The following TOPORS variants were observed in gnomAD, a reference collection of about 807,000 sequenced individuals.
TOPORS encodes TOP1 binding arginine/serine rich protein, E3 ubiquitin ligase, also known as E3 ubiquitin-protein ligase Topors.
In TOPORS, 25 loss-of-function variants were observed where a neutral mutation model predicts 81.4. The ratio of observed to expected loss-of-function variants is 0.31; its 90% confidence interval spans 0.22 to 0.43. TOPORS has a LOEUF of 0.43. Among genes scored for constraint, TOPORS ranks in the 20% least tolerant of loss-of-function variants. TOPORS has a pLI of 1.00. For synonymous variants in TOPORS, 473 were observed against 456.6 expected, an observed-to-expected ratio of 1.04 and a Z score of -0.46; for missense variants, 1,101 against 1,267.0, an observed-to-expected ratio of 0.87 and a Z score of 1.99.
chr9:32,550,808 C>T lies in TOPORS; in HGVS notation c.164G>A (p.Ser55Asn). 1 of 1,612,572 alleles carries T rather than the reference C, an allele frequency of 6.2e-7. No homozygotes were observed. Among genetic ancestry groups the T allele is most frequent in the Non-Finnish European group, 8.5e-7 (1 of 1,179,678 alleles). ...TGCCGGCGCAGGCCTGGCTGGGGCG[C>T]TCGCCGCGAGCTCCCGGCAGCCCAG... The part of the protein sequence containing the change: ...SFLGCRELAA[S>N]APARPAPASS... The change falls in exon 2 of 3, where the codon AGC becomes AAC. Residue 55 changes from serine to asparagine, a missense_variant. Around this residue, in one of 9 missense-constraint regions of TOPORS, gnomAD observed 131 missense variants for 101.0 expected, o/e 1.30. Transcript: ENST00000360538.
At chr9:32,545,089 A>G (rs577460824) in intron 2 of TOPORS, among the ~76,000 whole-genome samples, 2 of 152,378 alleles carry the variant, frequency 1.3e-5, no homozygotes, top group African/African-American at 2.4e-5. Flanking sequence ...GGAAACTTTT[A>G]GTGAAGATTA....
At position 32,551,048 on chromosome 9, in the gene TOPORS, T is replaced by C. The variant is rs368138905; in HGVS notation, c.4-80A>G. 9.3e-5 allele frequency: 141 copies of C among 1,510,314 alleles called. No individual in the cohort carries two copies. The African/African-American group carries it at 1.8e-3, about 19-fold the overall frequency. 93.6% of individuals were successfully genotyped at this position (1,510,314 alleles called of 1,614,324 possible). A position where few individuals can be genotyped will look rare whatever the true frequency, so the allele number is the denominator to read the frequency against. On this transcript the variant is annotated intron_variant, in intron 1 of 2. Transcript: ENST00000360538. ...AGACCCACCCCCCAGCTCCCGCGCA[T>C]CAAAACACAACACCCGCCTTCCTCA...
rs549036223 is a variant in TOPORS at position 32,547,577 on chromosome 9, A to G, written c.198+3197T>C. Among the ~76,000 whole-genome samples the G allele has an allele frequency of 2.6e-5, 4 of 152,336 alleles. No homozygotes were observed. The South Asian group carries it at 8.3e-4, about 32-fold the overall frequency. ...CATGGATGAAACTTTTTATTATGCTAAATGAATGAAAAAAAAAATTCACAA... is the reference window on the plus strand; with the variant it reads ...CATGGATGAAACTTTTTATTATGCTGAATGAATGAAAAAAAAAATTCACAA... On this transcript the variant is annotated intron_variant, in intron 2 of 2. Transcript: ENST00000360538.
Position 32,542,762 on chromosome 9 carries a change from T to A in TOPORS, c.1763A>T (p.Asn588Ile), listed in dbSNP as rs1821087228. Reference protein sequence around the residue: ...VRGDRVYSPYNHRHRKRGRSR... With the variant: ...VRGDRVYSPYIHRHRKRGRSR... Reference sequence around the variant, plus strand: ...TCTTCCCCTCTTTCTGTGTCTATGGTTATATGGAGAATATACTCTGTCTCC... The same window carrying A: ...TCTTCCCCTCTTTCTGTGTCTATGGATATATGGAGAATATACTCTGTCTCC... The change falls in exon 3 of 3, where the codon AAC becomes ATC. Residue 588 changes from asparagine (N) to isoleucine (I), a missense_variant. Physicochemically the swap from Asn to Ile is moderately radical, Grantham distance 149. Coordinates refer to ENST00000360538, the MANE Select transcript of TOPORS (RefSeq NM_005802.5). The A allele has an allele frequency of 6.2e-7, 1 of 1,613,932 alleles. No homozygotes were observed. The highest frequency in any genetic ancestry group is 1.3e-5 in the African/African-American group (1 of 74,924).
Position 32,543,841 on chromosome 9 carries a change from A to T in TOPORS, c.684T>A (p.Pro228=). 4 of 1,614,144 alleles carry T rather than the reference A, an allele frequency of 2.5e-6. No individual in the cohort carries two copies. The highest frequency in any genetic ancestry group is 3.4e-6 in the Non-Finnish European group (4 of 1,180,014). ...TTACTGCAATCTGTCTCATAAACTGAGGAATTTCAACATCTCTAGGTCTTG... is the reference window on the plus strand; with the variant it reads ...TTACTGCAATCTGTCTCATAAACTGTGGAATTTCAACATCTCTAGGTCTTG... ...ISTRPRDVEI[P]QFMRQIAVRR... The change falls in exon 3 of 3, where the codon CCT becomes CCA. Residue 228 remains proline, a synonymous_variant. Transcript: ENST00000360538. The surrounding 1 kb of genome is among the most constrained non-coding windows in gnomAD (Gnocchi z 5.6).
chr9:32,551,743 C>T (rs571711029), intron 1 of TOPORS: 37 of 431,804 alleles, frequency 8.6e-5, no homozygotes, highest in Non-Finnish European at 1.4e-4. Flanking sequence ...ATCTCACGCG[C>T]GGCAGTTCAA....
rs2118988028 is a variant in TOPORS, at chr9:32,552,434, CATGA to C, written c.-2_2del. The C allele has an allele frequency of 6.2e-7, 1 of 1,609,104 alleles. No individual in the cohort carries two copies. Among genetic ancestry groups the C allele is most frequent in the Non-Finnish European group, 8.5e-7 (1 of 1,178,184 alleles). On this transcript the variant is annotated start_lost and splice_region_variant and 5_prime_UTR_variant, in exon 1 of 3. Coordinates refer to ENST00000360538, the MANE Select transcript of TOPORS (RefSeq NM_005802.5). ...CCGCGGACTGCTGCCGCCTCCTTAC[CATGA>C]AGCCAGTAAGTCGTCGCACGCTGGA...
intron 1 of TOPORS, 172 bp downstream of exon 1, chr9:32,552,262 C>T: frequency 1.2e-6 from 1 of 858,582 alleles, no homozygotes; most frequent in Non-Finnish European, 1.9e-6. Flanking sequence ...CACGTGATAC[C>T]GCCCCCCAAC....
rs962519913 is a variant in TOPORS, at chr9:32,550,854, A to C, written c.118T>G (p.Cys40Gly). The C allele has an allele frequency of 1.7e-5, 27 of 1,612,918 alleles. No homozygotes were observed. The highest frequency in any genetic ancestry group is 2.3e-5 in the Non-Finnish European group (27 of 1,179,812). The part of the protein sequence containing the change: ...RSRRVRLRGS[C>G]RHRPSFLGCR... ...CCCAGAAAGCTAGGTCGGTGTCGGC[A>C]GGATCCGCGAAGGCGTACCCGGCGA... The change falls in exon 2 of 3, where the codon TGC becomes GGC. Residue 40 changes from cysteine to glycine, a missense_variant. By Grantham distance (159) the Cys-to-Gly change is radical. Coordinates refer to ENST00000360538, the MANE Select transcript of TOPORS (RefSeq NM_005802.5).
chr9:32,551,786 C>T (rs999658804), intron 1 of TOPORS: 1 of 453,310 alleles, frequency 2.2e-6, no homozygotes, highest in South Asian at 1.6e-5. Flanking sequence ...ACACTTGTTG[C>T]TTGACTGATA....
chr9:32,550,752 C>T (rs758675889), intron 2 of TOPORS, 22 bp downstream of exon 2: 8 of 1,612,532 alleles, frequency 5.0e-6, no homozygotes, highest in Middle Eastern at 1.7e-4. Flanking sequence ...CCCCGCGTCC[C>T]ATTGTTCCGA....
chr9:32,552,359 G>A (rs757828056), intron 1 of TOPORS, 75 bp downstream of exon 1: 35 of 1,578,908 alleles, frequency 2.2e-5, no homozygotes, highest in African/African-American at 4.0e-5. Flanking sequence ...CTGGCGCCTG[G>A]CAGCCACCGC....
chr9:32,542,739 T>C lies in TOPORS; in HGVS notation c.1786A>G (p.Arg596Gly). ...PYNHRHRKRG[R>G]SRSSDSRSQS... ...GAACGTGAATCTGAACTTCTTGATC[T>C]TCCCCTCTTTCTGTGTCTATGGTTA... Residue 596 changes from arginine to glycine, a missense_variant, in exon 3 of 3, where the codon AGA (arginine) becomes GGA (glycine). Physicochemically the swap from Arg to Gly is moderately radical, Grantham distance 125 (BLOSUM62 -2). Around this residue, in one of 9 missense-constraint regions of TOPORS, gnomAD observed 605 missense variants for 636.1 expected, o/e 0.95. Coordinates refer to ENST00000360538, the MANE Select transcript of TOPORS (RefSeq NM_005802.5). 6.2e-7 allele frequency: 1 copy of C among 1,614,100 alleles called. No homozygotes were observed. The highest frequency in any genetic ancestry group is 8.5e-7 in the Non-Finnish European group (1 of 1,180,024).
Position 32,542,428 on chromosome 9 carries a change from T to C in TOPORS, c.2097A>G (p.Arg699=), listed in dbSNP as rs1454326785. ...RYYLRNNYGS[R]YKWEYTYYSR... ...TGTAATAAGTATACTCCCATTTGTA[T>C]CTGCTTCCATAATTATTTCTTAAAT... The change falls in exon 3 of 3, where the codon AGA becomes AGG. Residue 699 remains arginine, a synonymous_variant. Transcript: ENST00000360538. 2 of 1,613,658 alleles carry C rather than the reference T, an allele frequency of 1.2e-6. No individual in the cohort carries two copies. The highest frequency in any genetic ancestry group is 2.7e-5 in the African/African-American group (2 of 74,926).
chr9:32,549,084 C>G (rs1239900896), intron 2 of TOPORS, among the ~76,000 whole-genome samples: 1 of 151,770 alleles, frequency 6.6e-6, no homozygotes, highest in Admixed American at 6.6e-5. Context: ...CCGAGGTGAG[C>G]GGATCACAAG....
In TOPORS at chr9:32,543,984, G is replaced by A. The variant is rs183677260; in HGVS notation, c.541C>T (p.Arg181Cys). 8 of 1,614,100 alleles carry A rather than the reference G, an allele frequency of 5.0e-6. No individual in the cohort carries two copies. In the African/African-American group the frequency reaches 6.7e-5, roughly 13 times the overall value. The change falls in exon 3 of 3, where the codon CGT (arginine) becomes TGT (cysteine). Residue 181 changes from arginine to cysteine, a missense_variant. Transcript: ENST00000360538. This position sits in a 1 kb window ranked among gnomAD's most constrained non-coding sequence, Gnocchi z 5.6. ...TTTCGTTCCCTTGTCAGAGTTGTAC[G>A]GTAGCGAAATCGTCGATCAGGGGTG... The part of the protein sequence containing the change: ...FVTPDRRFRY[R>C]TTLTRERNAS...
chr9:32,542,425 G>A lies in TOPORS; in HGVS notation c.2100C>T (p.Tyr700=). The change falls in exon 3 of 3, where the codon TAC becomes TAT. Residue 700 remains tyrosine, a synonymous_variant. Coordinates refer to ENST00000360538, the MANE Select transcript of TOPORS (RefSeq NM_005802.5). The part of the protein sequence containing the change: ...YYLRNNYGSR[Y]KWEYTYYSRN... ...TACTGTAATAAGTATACTCCCATTT[G>A]TATCTGCTTCCATAATTATTTCTTA... is the stretch of plus-strand genomic sequence containing the variant. 6.2e-7 allele frequency: 1 copy of A among 1,613,634 alleles called. No individual in the cohort carries two copies. The highest frequency in any genetic ancestry group is 1.6e-4 in the Middle Eastern group (1 of 6,062).
In TOPORS at chr9:32,541,042, A is replaced by T; in HGVS notation, c.*345T>A. 1 of 177,896 alleles carries T rather than the reference A, an allele frequency of 5.6e-6. No homozygotes were observed. Among genetic ancestry groups the T allele is most frequent in the Non-Finnish European group, 1.2e-5 (1 of 83,126 alleles). 11.0% of individuals were successfully genotyped at this position (177,896 alleles called of 1,614,324 possible). On this transcript the variant is annotated 3_prime_UTR_variant, in exon 3 of 3. Coordinates refer to ENST00000360538, the MANE Select transcript of TOPORS (RefSeq NM_005802.5). ...TAACTCTCAAAAAAAAAAAATTCAA[A>T]AATACTCATTGACTACCTTAAAAAT...
intron 2 of TOPORS, among the ~76,000 whole-genome samples, 184 bp downstream of exon 2, chr9:32,550,590 C>T (rs550235580): frequency 5.9e-5 from 9 of 152,290 alleles, no homozygotes; most frequent in Admixed American, 3.3e-4. Flanking sequence ...CCCTCGCCTG[C>T]CCGCACCAAT....
Sources: gnomAD v4.1 joint callset for allele counts (sites outside exome capture counted in the v4.1 genomes callset) on GRCh38, gnomAD v4.1.1 for gene constraint, gnomAD v4.1.1 regional missense constraint, Gnocchi (gnomAD v3.1) non-coding constraint, MANE v1.5 for transcripts, NCBI Gene and HGNC (gene_info 2026-07-23, HGNC 2026-07-21) for gene names.